Variants in INPP4B observed in about 807,000 individuals in gnomAD.
INPP4B encodes inositol polyphosphate-4-phosphatase type II B.
Under a neutral mutation model 122.5 loss-of-function variants are expected in INPP4B, and 55 were observed. That is an observed-to-expected ratio of 0.45 (90% CI 0.36 to 0.56). INPP4B has a LOEUF of 0.56. Among genes scored for constraint, INPP4B ranks in the 20% least tolerant of loss-of-function variants. The probability of loss-of-function intolerance (pLI) is 0.00; values close to 1 mark genes in which losing one functional copy is unlikely to be tolerated. For missense variants in INPP4B, 1,000 were observed against 1,097.7 expected (o/e 0.91, Z 1.26); for synonymous variants, 403 against 388.7 (o/e 1.04, Z -0.43).
chr4:142,316,420 G>A (rs1446063787), intron 7 of INPP4B, among the ~76,000 whole-genome samples: 1 of 152,154 alleles, frequency 6.6e-6, no homozygotes, highest in Non-Finnish European at 1.5e-5. Context: ...TATTGTGTGT[G>A]CATGGATTAT....
In INPP4B at chr4:142,090,398, T is replaced by A. The variant is rs1271051555; in HGVS notation, c.2375-4142A>T. 3.0e-3 allele frequency among the ~76,000 whole-genome samples: 18 copies of A among 6,048 alleles called. No individual in the cohort carries two copies. In the Non-Finnish European group the frequency reaches 0.15, roughly 52 times the overall value. 4.0% of individuals were successfully genotyped at this position (6,048 alleles called of 152,430 possible). Reference sequence around the variant, plus strand: ...AACCCAATACTTGGGTTGCTGCCATTTTTTTTTTTTTCAACCCAATAAAAA... The same window carrying A: ...AACCCAATACTTGGGTTGCTGCCATATTTTTTTTTTTCAACCCAATAAAAA... On this transcript the variant is annotated intron_variant, in intron 23 of 25. Transcript: ENST00000262992.
intron 11 of INPP4B, among the ~76,000 whole-genome samples, chr4:142,250,878 C>G (rs866542518): frequency 6.6e-6 from 1 of 152,046 alleles, no homozygotes; most frequent in Non-Finnish European, 1.5e-5. Context: ...AGGAAAAAAG[C>G]AATAATTAAT....
At chr4:142,640,296 G>A (rs1223316575) in intron 2 of INPP4B, among the ~76,000 whole-genome samples, 1 of 151,686 alleles carries the variant, frequency 6.6e-6, no homozygotes, top group African/African-American at 2.4e-5. Flanking sequence ...TGGAAATTAA[G>A]ACTTATTAAA....
At chr4:142,571,802 ATTTAT>A (rs998479104) in intron 2 of INPP4B, among the ~76,000 whole-genome samples, 1 of 152,048 alleles carries the variant, frequency 6.6e-6, no homozygotes, top group Non-Finnish European at 1.5e-5. Flanking sequence ...AGCACAAGTT[ATTTAT>A]TTTTTTTTGA....
At chr4:142,806,774 A>AGAAAGAAG (rs1778826476) in intron 1 of INPP4B, among the ~76,000 whole-genome samples, 8 of 89,226 alleles carry the variant, frequency 9.0e-5, no homozygotes, top group Admixed American at 4.4e-4. Flanking sequence ...GAAGAAAGAA[A>AGAAAGAAG]GAAAGAAAGA....
chr4:142,806,825 AAGAAAG>A (rs1778902620), intron 1 of INPP4B, among the ~76,000 whole-genome samples: 2 of 150,490 alleles, frequency 1.3e-5, no homozygotes, highest in Non-Finnish European at 3.0e-5. Context: ...GAAAGAAAGA[AAGAAAG>A]AAAGAAAGAA....
At chr4:142,606,979 AATAAATAAATCTAAACT>A (rs1213168122) in intron 2 of INPP4B, among the ~76,000 whole-genome samples, 1 of 152,034 alleles carries the variant, frequency 6.6e-6, no homozygotes, top group East Asian at 1.9e-4. Context: ...TAAATATACA[AATAAATAAATCTAAACT>A]ATAAATAAAT....
chr4:142,649,390 T>C (rs1344067968), intron 2 of INPP4B, among the ~76,000 whole-genome samples: 1 of 152,188 alleles, frequency 6.6e-6, no homozygotes, highest in African/African-American at 2.4e-5. Context: ...TTGACAGAAG[T>C]AGGCTTCAGA....
At chr4:142,518,379 T>C (rs1228531548) in intron 2 of INPP4B, among the ~76,000 whole-genome samples, 1 of 152,158 alleles carries the variant, frequency 6.6e-6, no homozygotes, top group African/African-American at 2.4e-5. Flanking sequence ...CATGTGACAC[T>C]TCACCTAGCA....
At chr4:142,480,873 G>A (rs1820421247) in intron 2 of INPP4B, among the ~76,000 whole-genome samples, 2 of 152,046 alleles carry the variant, frequency 1.3e-5, no homozygotes, top group Non-Finnish European at 2.9e-5. Flanking sequence ...TGGCACAAAA[G>A]TCATATAGAA....
chr4:142,752,505 C>T (rs1303934086), intron 1 of INPP4B, among the ~76,000 whole-genome samples: 4 of 152,058 alleles, frequency 2.6e-5, no homozygotes, highest in African/African-American at 4.8e-5. Flanking sequence ...AAAGTGAACA[C>T]CCTGCTGGTT....
At chr4:142,666,652 T>TGC (rs1560940129) in intron 2 of INPP4B, among the ~76,000 whole-genome samples, 2 of 152,120 alleles carry the variant, frequency 1.3e-5, no homozygotes, top group South Asian at 4.1e-4. Flanking sequence ...TGTGTGTGTG[T>TGC]GCACATGTGT....
At chr4:142,638,574 C>T (rs1181252888) in intron 2 of INPP4B, among the ~76,000 whole-genome samples, 1 of 140,474 alleles carries the variant, frequency 7.1e-6, no homozygotes, top group Non-Finnish European at 1.5e-5. Flanking sequence ...GATGGAGTCT[C>T]ACTCTGTCAC....
In INPP4B at chr4:142,391,015, A is replaced by G. The variant is rs564023963; in HGVS notation, c.372+11923T>C. Among the ~76,000 whole-genome samples, 220 of 152,332 alleles carry G rather than the reference A, an allele frequency of 1.4e-3. 1 individual carries two copies. Among genetic ancestry groups the G allele is most frequent in the Non-Finnish European group, 2.7e-3 (184 of 68,016 alleles). Reference sequence around the variant, plus strand: ...GGTAAGAATTCCTGAAACTTTAATGAATATAAACCAGACTGACTGGTTTAT... The same window carrying G: ...GGTAAGAATTCCTGAAACTTTAATGGATATAAACCAGACTGACTGGTTTAT... On this transcript the variant is annotated intron_variant, in intron 7 of 25. Transcript: ENST00000262992.
At chr4:142,089,480 C>CACACAG (rs1211478932) in intron 23 of INPP4B, among the ~76,000 whole-genome samples, 55 of 135,048 alleles carry the variant, frequency 4.1e-4, no homozygotes, top group African/African-American at 1.3e-3. Flanking sequence ...CACACACACA[C>CACACAG]AGAGAGAGAG....
chr4:142,841,766 T>C (rs1360177375), intron 1 of INPP4B, among the ~76,000 whole-genome samples: 1 of 151,936 alleles, frequency 6.6e-6, no homozygotes, highest in Non-Finnish European at 1.5e-5. Flanking sequence ...CATATTTTTC[T>C]TTTGATCTTG....
At chr4:142,551,642 T>G (rs894294786) in intron 2 of INPP4B, among the ~76,000 whole-genome samples, 1 of 152,184 alleles carries the variant, frequency 6.6e-6, no homozygotes, top group African/African-American at 2.4e-5. Context: ...GAAAGTGAGA[T>G]AAGTGTTGAG....
chr4:142,134,945 C>A (rs1449491760), intron 18 of INPP4B, among the ~76,000 whole-genome samples: 6 of 151,724 alleles, frequency 4.0e-5, no homozygotes, highest in Admixed American at 2.6e-4. Context: ...TTTAAGCCCT[C>A]TAGTGAAAAA....
chr4:142,111,819 A>C (rs6813782), intron 22 of INPP4B, among the ~76,000 whole-genome samples: 20,120 of 152,062 alleles, frequency 0.13, 1,494 homozygotes, highest in East Asian at 0.23. Context: ...TCTCAGCTCA[A>C]CACAACCTCC....
Sources: allele counts gnomAD v4.1 joint callset (sites outside exome capture counted in the v4.1 genomes callset), GRCh38; gene constraint gnomAD v4.1.1; transcripts MANE v1.5; gene names NCBI Gene and HGNC (gene_info 2026-07-23, HGNC 2026-07-21).